Variants in ZFAT observed in about 807,000 individuals in gnomAD.
ZFAT encodes zinc finger protein ZFAT.
A neutral mutation model predicts 117.7 loss-of-function variants in ZFAT; 64 were observed. The observed-to-expected ratio is 0.54, with a 90% CI of 0.44 to 0.67. The LOEUF (loss-of-function observed/expected upper bound fraction) is 0.67, where lower values mean the gene tolerates loss of function less well. Among genes scored for constraint, ZFAT ranks in the 30% least tolerant of loss-of-function variants. The probability of loss-of-function intolerance (pLI) is 0.00; values close to 1 mark genes in which losing one functional copy is unlikely to be tolerated. For synonymous variants in ZFAT, 679 were observed against 615.0 expected (o/e 1.10, Z -1.54); for missense variants, 1,433 against 1,584.5 (o/e 0.90, Z 1.62).
chr8:134,713,364 T>C (rs143762082), upstream of ZFAT, among the ~76,000 whole-genome samples: 817 of 152,286 alleles, frequency 5.4e-3, 6 homozygotes, highest in South Asian at 0.026. Context: ...GCGCTTCGTG[T>C]CCCAGCTCTA....
At chr8:134,555,437 T>G (rs1343072775) in intron 11 of ZFAT, among the ~76,000 whole-genome samples, 2 of 152,238 alleles carry the variant, frequency 1.3e-5, no homozygotes, top group Non-Finnish European at 2.9e-5. Flanking sequence ...AAGTCCATGT[T>G]CTCAGATGCC....
the ZFAT span, among the ~76,000 whole-genome samples, chr8:134,782,718 C>A: frequency 1.3e-5 from 2 of 152,054 alleles, no homozygotes; most frequent in Non-Finnish European, 2.9e-5. Context: ...CAAGATGTGC[C>A]TTTTGCCTTC....
chr8:134,585,663 ACT>A (rs1222524579), intron 9 of ZFAT, among the ~76,000 whole-genome samples: 1 of 152,132 alleles, frequency 6.6e-6, no homozygotes, highest in African/African-American at 2.4e-5. Flanking sequence ...ACTTCCGTGG[ACT>A]CTGTGACATA....
rs903541054 is a variant in ZFAT at position 134,634,383 on chromosome 8, A to G, written c.448+3078T>C. Among the ~76,000 whole-genome samples, 3 of 152,238 alleles carry G rather than the reference A, an allele frequency of 2.0e-5. No homozygotes were observed. In the South Asian group the frequency reaches 6.2e-4, roughly 31 times the overall value. Reference sequence around the variant, plus strand: ...AATTTTGGAATATTTTCACTTTCTTAGTATTTTCTGTTTCATTACAGGTAT... The same window carrying G: ...AATTTTGGAATATTTTCACTTTCTTGGTATTTTCTGTTTCATTACAGGTAT... On this transcript the variant is annotated intron_variant, in intron 3 of 15. Coordinates refer to ENST00000377838, the MANE Select transcript of ZFAT (RefSeq NM_020863.4).
the ZFAT span, among the ~76,000 whole-genome samples, chr8:134,820,751 G>A: frequency 4.6e-5 from 7 of 152,294 alleles, no homozygotes; most frequent in South Asian, 4.1e-4. Flanking sequence ...AGTATAATCC[G>A]ACTACAGAAA....
chr8:134,525,040 G>C (rs938957016), intron 12 of ZFAT, among the ~76,000 whole-genome samples: 3 of 152,214 alleles, frequency 2.0e-5, no homozygotes, highest in African/African-American at 7.2e-5. Flanking sequence ...GTTAAGAACT[G>C]AATCTAAGTC....
At chr8:134,616,354 G>A (rs930927587) in intron 3 of ZFAT, among the ~76,000 whole-genome samples, 5 of 152,158 alleles carry the variant, frequency 3.3e-5, no homozygotes, top group Non-Finnish European at 7.3e-5. Context: ...GGACACCAAA[G>A]TCCTCGTTCC....
chr8:134,716,242 CAG>C (rs1814210787), upstream of ZFAT, among the ~76,000 whole-genome samples: 2 of 151,392 alleles, frequency 1.3e-5, no homozygotes, highest in African/African-American at 4.9e-5. Context: ...ATGATAAAAT[CAG>C]AGGTGGGAAT....
At chr8:134,735,975 C>G in the ZFAT span, among the ~76,000 whole-genome samples, 4 of 152,072 alleles carry the variant, frequency 2.6e-5, no homozygotes, top group African/African-American at 9.7e-5. Flanking sequence ...TTTCAAGTGG[C>G]AGGACATCAG....
the ZFAT span, among the ~76,000 whole-genome samples, chr8:134,770,308 C>T: frequency 6.6e-6 from 1 of 152,172 alleles, no homozygotes; most frequent in African/African-American, 2.4e-5. Context: ...CGGCTGAAGC[C>T]ATGGCAGAAG....
chr8:134,504,185 T>C (rs1420331352), intron 15 of ZFAT, among the ~76,000 whole-genome samples: 1 of 152,090 alleles, frequency 6.6e-6, no homozygotes, highest in Non-Finnish European at 1.5e-5. Flanking sequence ...ACTTGTACAA[T>C]GAACGAATGA....
chr8:134,630,126 G>A (rs1829785542), intron 3 of ZFAT, among the ~76,000 whole-genome samples: 1 of 152,230 alleles, frequency 6.6e-6, no homozygotes, highest in Non-Finnish European at 1.5e-5. Flanking sequence ...ATAGGCAGAA[G>A]AGGGGCCACT....
At chr8:134,759,230 G>A in the ZFAT span, among the ~76,000 whole-genome samples, 64,356 of 151,986 alleles carry the variant, frequency 0.42, 13,828 homozygotes, top group Admixed American at 0.49. Context: ...CCCTCACAAC[G>A]GACCTGGGAG....
chr8:134,758,112 A>T, the ZFAT span, among the ~76,000 whole-genome samples: 1 of 152,214 alleles, frequency 6.6e-6, no homozygotes, highest in Non-Finnish European at 1.5e-5. Flanking sequence ...TGCAAGGATA[A>T]ATGAGTTCAG....
At chr8:134,679,750 T>C (rs1586941091) in intron 1 of ZFAT, among the ~76,000 whole-genome samples, 1 of 152,090 alleles carries the variant, frequency 6.6e-6, no homozygotes, top group Admixed American at 6.5e-5. Flanking sequence ...TGGAATACTA[T>C]GCAGCCATAA....
chr8:134,576,670 G>A lies in ZFAT; in HGVS notation c.2887+7162C>T, dbSNP rs919563795. Among the ~76,000 whole-genome samples, 8 of 152,130 alleles carry A rather than the reference G, an allele frequency of 5.3e-5. No homozygotes were observed. The South Asian group carries it at 1.7e-3, about 32-fold the overall frequency. ...GTGGCTTTGCTTTTTAGAGGACAGT[G>A]GAGGAAAACAAAACAAAACTCCATA... On this transcript the variant is annotated intron_variant, in intron 10 of 15. Transcript: ENST00000377838.
chr8:134,521,858 G>A (rs1820684001), intron 12 of ZFAT, among the ~76,000 whole-genome samples: 3 of 152,198 alleles, frequency 2.0e-5, no homozygotes, highest in African/African-American at 7.2e-5. Flanking sequence ...CCTGAGCTGG[G>A]CCAGGGGAAT....
At chr8:134,822,760 A>G in the ZFAT span, among the ~76,000 whole-genome samples, 4 of 152,166 alleles carry the variant, frequency 2.6e-5, no homozygotes, top group Non-Finnish European at 5.9e-5. Context: ...ATATTTTCAC[A>G]GGATTTAATA....
the ZFAT span, among the ~76,000 whole-genome samples, chr8:134,759,337 T>C: frequency 6.6e-6 from 1 of 152,224 alleles, no homozygotes; most frequent in Admixed American, 6.5e-5. Flanking sequence ...ACATTCTTCC[T>C]ACTGAGCCAG....
Sources: gnomAD v4.1 joint callset for allele counts (sites outside exome capture counted in the v4.1 genomes callset) on GRCh38, gnomAD v4.1.1 for gene constraint, MANE v1.5 for transcripts, NCBI Gene and HGNC (gene_info 2026-07-23, HGNC 2026-07-21) for gene names.